Variants in CHD9 observed in about 807,000 individuals in gnomAD.
The protein encoded by CHD9 is chromodomain helicase DNA binding protein 9.
Under a neutral mutation model 316.1 loss-of-function variants are expected in CHD9, and 77 were observed. The observed-to-expected ratio is 0.24, with a 90% CI of 0.20 to 0.29. The LOEUF is 0.29. Among genes scored for constraint, CHD9 ranks in the 10% least tolerant of loss-of-function variants. CHD9 has a pLI of 1.00. For synonymous variants in CHD9, 1,129 were observed against 1,158.3 expected (o/e 0.97, Z 0.51); for missense variants, 2,763 against 3,438.1 (o/e 0.80, Z 4.91).
intron 24 of CHD9, among the ~76,000 whole-genome samples, chr16:53,276,027 C>T (rs1349874299): frequency 1.3e-5 from 2 of 152,126 alleles, no homozygotes. Flanking sequence ...AACTTGGGTA[C>T]TTCTCATTAT....
intron 36 of CHD9, among the ~76,000 whole-genome samples, chr16:53,317,246 G>A (rs191613604): frequency 5.3e-5 from 8 of 151,694 alleles, no homozygotes; most frequent in Non-Finnish European, 1.2e-4. Flanking sequence ...TCCAGAGTAC[G>A]TGGAGGAGTG....
chr16:53,229,035 A>G lies in CHD9; in HGVS notation c.2221A>G (p.Arg741Gly). 1 of 1,599,496 alleles carries G rather than the reference A, an allele frequency of 6.3e-7. No individual in the cohort carries two copies. Among genetic ancestry groups the G allele is most frequent in the East Asian group, 2.3e-5 (1 of 44,432 alleles). ...ATEEQLLKDK[R>G]IQQKIKRFKL... ...AGAAGAGCAGCTTTTGAAAGATAAA[A>G]GGATCCAGCAGAAAATCAAACGATT... Residue 741 changes from arginine to glycine, a missense_variant, in exon 8 of 39, where the codon AGG becomes GGG. By Grantham distance (125) the Arg-to-Gly change is moderately radical. This residue lies in a region of CHD9 where 859 missense variants were observed against 890.4 expected (regional missense o/e 0.96). Transcript: ENST00000447540.
chr16:53,073,367 C>T (rs2034268000), intron 1 of CHD9, among the ~76,000 whole-genome samples: 1 of 152,256 alleles, frequency 6.6e-6, no homozygotes, highest in East Asian at 1.9e-4. Context: ...GTACCACAGT[C>T]TTATCCATTT....
In CHD9 at chr16:53,227,404, G is replaced by C; in HGVS notation, c.2052G>C (p.Pro684=). The part of the protein sequence containing the change: ...EQPLQLFVEN[P]SEEDAAIVDK... ...TTTCCTCCCTCCCATAGGAGAATCC[G>C]AGTGAAGAAGATGCTGCAATTGTAG... is the stretch of plus-strand genomic sequence containing the variant. Residue 684 remains proline, a synonymous_variant, in exon 6 of 39, where the codon CCG becomes CCC. Transcript: ENST00000447540. 1 of 1,562,988 alleles carries C rather than the reference G, an allele frequency of 6.4e-7. No individual in the cohort carries two copies. The highest frequency in any genetic ancestry group is 8.7e-7 in the Non-Finnish European group (1 of 1,152,870).
chr16:53,214,806 T>C (rs2152885942), intron 3 of CHD9, among the ~76,000 whole-genome samples: 1 of 152,318 alleles, frequency 6.6e-6, no homozygotes, highest in African/African-American at 2.4e-5. Context: ...GACACACCAT[T>C]AATTTTATGT....
intron 1 of CHD9, among the ~76,000 whole-genome samples, chr16:53,069,828 T>A (rs542133559): frequency 6.6e-6 from 1 of 152,346 alleles, no homozygotes; most frequent in African/African-American, 2.4e-5. Context: ...TTTCAACAGC[T>A]GCTGTACCAT....
At chr16:53,214,517 G>GTAAGT (rs142476387) in intron 3 of CHD9, among the ~76,000 whole-genome samples, 4,917 of 152,174 alleles carry the variant, frequency 0.032, 98 homozygotes, top group Middle Eastern at 0.071. Context: ...ACCATTAGTA[G>GTAAGT]TCTCCCTGTA....
chr16:53,188,682 C>T (rs1035569244), intron 2 of CHD9, among the ~76,000 whole-genome samples: 2 of 147,526 alleles, frequency 1.4e-5, no homozygotes, highest in South Asian at 2.2e-4. Flanking sequence ...GCAACCTCCA[C>T]CTCCCAGGTT....
chr16:53,246,923 T>C (rs1306422807), intron 15 of CHD9, among the ~76,000 whole-genome samples: 2 of 152,242 alleles, frequency 1.3e-5, no homozygotes, highest in Non-Finnish European at 2.9e-5. Flanking sequence ...ACTGTTATGA[T>C]TGCTGTTTAA....
chr16:53,220,130 G>T (rs1343596564), intron 3 of CHD9, among the ~76,000 whole-genome samples: 1 of 152,126 alleles, frequency 6.6e-6, no homozygotes, highest in Non-Finnish European at 1.5e-5. Flanking sequence ...GTGGTGAGAG[G>T]GAATGAAGTG....
At chr16:53,132,793 C>CT (rs748626858) in intron 1 of CHD9, among the ~76,000 whole-genome samples, 9,575 of 68,344 alleles carry the variant, frequency 0.14, 2,911 homozygotes, top group Non-Finnish European at 0.19. Context: ...TCTAATTCTG[C>CT]TTTTTTTTTT....
At chr16:53,292,071 C>A (rs982459128) in intron 28 of CHD9, among the ~76,000 whole-genome samples, 4 of 152,112 alleles carry the variant, frequency 2.6e-5, no homozygotes, top group Non-Finnish European at 4.4e-5. Context: ...TATTCAACTT[C>A]TTTTTCATTC....
At chr16:53,113,753 T>TCTAC (rs1448358496) in intron 1 of CHD9, among the ~76,000 whole-genome samples, 1 of 152,004 alleles carries the variant, frequency 6.6e-6, no homozygotes, top group East Asian at 1.9e-4. Flanking sequence ...AAATCTGGAG[T>TCTAC]GTAGCGGCAC....
chr16:53,181,168 G>A (rs1283758656), intron 2 of CHD9, among the ~76,000 whole-genome samples: 1 of 151,934 alleles, frequency 6.6e-6, no homozygotes, highest in Non-Finnish European at 1.5e-5. Flanking sequence ...GTGCCACCAC[G>A]CCTGGCTAAT....
rs981492772 is a variant in CHD9, at chr16:53,249,556, T to C, written c.3666-315T>C. ...AAGTATTTCTTGCAAAAAAGTAATA[T>C]ATTATGATGAGATCAGCAAAGCAGT... On this transcript the variant is annotated intron_variant, in intron 16 of 38. Coordinates refer to ENST00000447540, the MANE Select transcript of CHD9 (RefSeq NM_001308319.2). Among the ~76,000 whole-genome samples, 5 of 152,314 alleles carry C rather than the reference T, an allele frequency of 3.3e-5. No homozygotes were observed. In the East Asian group the frequency reaches 7.7e-4, roughly 24 times the overall value.
chr16:53,072,573 G>T (rs1029770641), intron 1 of CHD9, among the ~76,000 whole-genome samples: 5 of 151,570 alleles, frequency 3.3e-5, no homozygotes, highest in African/African-American at 7.3e-5. Context: ...TAGAGACAGG[G>T]TCTCAATATG....
intron 19 of CHD9, among the ~76,000 whole-genome samples, chr16:53,256,665 A>T (rs1196234395): frequency 2.0e-5 from 3 of 149,706 alleles, no homozygotes; most frequent in Admixed American, 2.0e-4. Context: ...TTTTTTTCCA[A>T]ATCAAGACAT....
chr16:53,151,028 G>A (rs1278376929), intron 1 of CHD9, among the ~76,000 whole-genome samples: 2 of 152,034 alleles, frequency 1.3e-5, no homozygotes, highest in Non-Finnish European at 2.9e-5. Context: ...TGGGGAGTTT[G>A]GGGCCATAAT....
chr16:53,289,685 G>C (rs1475300395), intron 27 of CHD9, among the ~76,000 whole-genome samples: 1 of 152,088 alleles, frequency 6.6e-6, no homozygotes, highest in African/African-American at 2.4e-5. Context: ...AAGAATATAG[G>C]AATAGCATAT....
Sources: gnomAD v4.1 joint callset for allele counts (sites outside exome capture counted in the v4.1 genomes callset) on GRCh38, gnomAD v4.1.1 for gene constraint, gnomAD v4.1.1 regional missense constraint, MANE v1.5 for transcripts, NCBI Gene and HGNC (gene_info 2026-07-23, HGNC 2026-07-21) for gene names.